The following MAPK10 variants were observed in gnomAD, a reference collection of about 807,000 sequenced individuals.
The protein encoded by MAPK10 is JNK3 alpha protein kinase.
In MAPK10, 25 loss-of-function variants were observed where a neutral mutation model predicts 59.3. That is an observed-to-expected ratio of 0.42 (90% confidence interval 0.31 to 0.59). MAPK10 has a LOEUF of 0.59. MAPK10 is among the 20% of genes least tolerant of loss of function. The pLI is 0.15. For missense variants in MAPK10, 351 were observed against 568.9 expected, an observed-to-expected ratio of 0.62 and a Z score of 3.90; for synonymous variants, 190 against 200.5, an observed-to-expected ratio of 0.95 and a Z score of 0.44.
chr4:86,159,803 C>T (rs2068965389), intron 3 of MAPK10, among the ~76,000 whole-genome samples: 1 of 151,888 alleles, frequency 6.6e-6, no homozygotes, highest in African/African-American at 2.4e-5. Flanking sequence ...ATGCATTGGT[C>T]TCAGAGGTGA....
rs190187613 is a variant in MAPK10 at position 86,544,564 on chromosome 4, A to G, written c.-263+49346T>C. 4.5e-4 allele frequency among the ~76,000 whole-genome samples: 68 copies of G among 152,334 alleles called. No homozygotes were observed. In the East Asian group the frequency reaches 0.013, roughly 28 times the overall value. Reference sequence around the variant, plus strand: ...AAAGTGTCACCTGTTTACAAACTCCACTTTCAAATCTTTCACCAAAATCGG... The same window carrying G: ...AAAGTGTCACCTGTTTACAAACTCCGCTTTCAAATCTTTCACCAAAATCGG... On this transcript the variant is annotated intron_variant, in intron 1 of 4. Coordinates refer to the MAPK10 transcript ENST00000502302.
intron 1 of MAPK10, among the ~76,000 whole-genome samples, chr4:86,439,614 G>T (rs758177390): frequency 5.9e-5 from 9 of 152,172 alleles, no homozygotes; most frequent in Non-Finnish European, 1.2e-4. Flanking sequence ...ATACCTAAAG[G>T]TAGAATTGCT....
intron 2 of MAPK10, among the ~76,000 whole-genome samples, chr4:86,283,445 G>C (rs777195307): frequency 7.9e-5 from 12 of 152,266 alleles, no homozygotes; most frequent in East Asian, 1.9e-4. Flanking sequence ...TACCAAAATA[G>C]GGCACGTAGG....
chr4:86,512,073 T>C (rs989333518), intron 1 of MAPK10, among the ~76,000 whole-genome samples: 13 of 152,124 alleles, frequency 8.5e-5, no homozygotes, highest in African/African-American at 3.1e-4. Flanking sequence ...GAAGATAATG[T>C]TTTTATGACT....
At chr4:86,168,730 T>A (rs984753810) in intron 3 of MAPK10, among the ~76,000 whole-genome samples, 7 of 152,080 alleles carry the variant, frequency 4.6e-5, no homozygotes, top group African/African-American at 1.7e-4. Flanking sequence ...AGCACACAGC[T>A]GGAGATCTGA....
upstream of MAPK10, among the ~76,000 whole-genome samples, chr4:86,361,791 CA>C (rs1489306191): frequency 6.6e-6 from 1 of 152,006 alleles, no homozygotes; most frequent in Non-Finnish European, 1.5e-5. Flanking sequence ...CACAGTGAGA[CA>C]AATACCATAT....
At chr4:86,546,066 CA>C in intron 1 of MAPK10, among the ~76,000 whole-genome samples, 1 of 151,396 alleles carries the variant, frequency 6.6e-6, no homozygotes, top group East Asian at 1.9e-4. Context: ...GCCTGGGCAA[CA>C]AAAAATTTAG....
intron 4 of MAPK10, among the ~76,000 whole-genome samples, chr4:86,109,357 AGCTATTTTTCCTGAT>A: frequency 6.6e-6 from 1 of 152,138 alleles, no homozygotes; most frequent in East Asian, 1.9e-4. Context: ...AGCATGCATT[AGCTATTTTTCCTGAT>A]GCTCTCCCTC....
At chr4:86,142,805 C>T (rs73837419) in intron 4 of MAPK10, among the ~76,000 whole-genome samples, 2,159 of 152,188 alleles carry the variant, frequency 0.014, 51 homozygotes, top group African/African-American at 0.049. Context: ...AAGATCCATT[C>T]CCTCCCTCCT....
At chr4:86,510,965 G>T (rs190802652) in intron 1 of MAPK10, among the ~76,000 whole-genome samples, 2 of 152,268 alleles carry the variant, frequency 1.3e-5, no homozygotes, top group East Asian at 3.9e-4. Context: ...CTAGTATTCA[G>T]TAGTACAGAA....
chr4:86,075,824 G>A (rs959402129), intron 9 of MAPK10, among the ~76,000 whole-genome samples: 3 of 152,200 alleles, frequency 2.0e-5, no homozygotes, highest in Admixed American at 6.5e-5. Flanking sequence ...ATTTAAGTCT[G>A]CAGAGGTTAC....
chr4:86,435,696 T>C (rs918760844), intron 1 of MAPK10, among the ~76,000 whole-genome samples: 3 of 152,216 alleles, frequency 2.0e-5, no homozygotes, highest in African/African-American at 7.2e-5. Flanking sequence ...TAGTCACTTT[T>C]GCTCTGGCTG....
rs1045443117 is a variant in MAPK10, at chr4:86,354,514, T to A, written c.-7+16A>T. The A allele has an allele frequency of 9.6e-6, 11 of 1,141,814 alleles. No homozygotes were observed. Among genetic ancestry groups the A allele is most frequent in the African/African-American group, 3.2e-5 (2 of 62,474 alleles). The allele number at this position is 1,141,814 out of a possible 1,614,324, so 70.7% of individuals were successfully genotyped here. A position where few individuals can be genotyped will look rare whatever the true frequency, so the allele number is the denominator to read the frequency against. On this transcript the variant is annotated intron_variant, in intron 2 of 13. Transcript: ENST00000641462. ...TAGTTTTCATGCTAAGGAATATTTT[T>A]AAATTGGCAACTCACCACAGCTTGT... is the stretch of plus-strand genomic sequence containing the variant.
At chr4:86,181,446 A>C (rs1259049879) in intron 3 of MAPK10, among the ~76,000 whole-genome samples, 1 of 152,098 alleles carries the variant, frequency 6.6e-6, no homozygotes, top group African/African-American at 2.4e-5. Flanking sequence ...ATCATCGGTA[A>C]ATGTTTACAG....
chr4:86,293,721 G>T (rs1049150762), intron 2 of MAPK10, among the ~76,000 whole-genome samples: 4 of 152,134 alleles, frequency 2.6e-5, no homozygotes, highest in Non-Finnish European at 5.9e-5. Flanking sequence ...GGGGGAGCAG[G>T]CGTTTCACAT....
chr4:86,567,429 A>AGGCT (rs1388629008), intron 1 of MAPK10, among the ~76,000 whole-genome samples: 6 of 152,192 alleles, frequency 3.9e-5, no homozygotes, highest in Non-Finnish European at 5.9e-5. Context: ...CATATTGGTC[A>AGGCT]GGCTGGTCTC....
intron 4 of MAPK10, among the ~76,000 whole-genome samples, chr4:86,108,427 A>G (rs1265696993): frequency 1.3e-5 from 2 of 152,170 alleles, no homozygotes; most frequent in South Asian, 2.1e-4. Flanking sequence ...CAACTGATCT[A>G]CTAAATTAGA....
At chr4:86,188,354 C>T (rs28804774) in intron 3 of MAPK10, among the ~76,000 whole-genome samples, 4,531 of 152,210 alleles carry the variant, frequency 0.03, 157 homozygotes, top group African/African-American at 0.083. Flanking sequence ...CTAATTTACA[C>T]TCCCACCAAC....
At chr4:86,214,356 T>G (rs1188686078) in intron 2 of MAPK10, among the ~76,000 whole-genome samples, 8 of 151,892 alleles carry the variant, frequency 5.3e-5, no homozygotes, top group Non-Finnish European at 1.5e-5. Context: ...CACCTTCTAT[T>G]CAACAAATTT....
Sources: gnomAD v4.1 joint callset for allele counts (sites outside exome capture counted in the v4.1 genomes callset) on GRCh38, gnomAD v4.1.1 for gene constraint, MANE v1.5 for transcripts, NCBI Gene and HGNC (gene_info 2026-07-23, HGNC 2026-07-21) for gene names.